Variants in AKT3 observed in about 807,000 individuals in gnomAD.
AKT3 encodes the protein RAC-gamma serine/threonine-protein kinase.
AKT3 carries 15 observed loss-of-function variants against 65.3 expected under a neutral mutation model. The observed-to-expected ratio is 0.23, with a 90% CI of 0.15 to 0.35. The LOEUF is 0.35. Ranked by LOEUF, AKT3 falls within the 10% of genes least tolerant of loss-of-function variation. The pLI, the probability that AKT3 is intolerant of heterozygous loss-of-function variation, is 1.00. For missense variants in AKT3, 243 were observed against 576.5 expected, an observed-to-expected ratio of 0.42 and a Z score of 5.92; for synonymous variants, 206 against 183.8, an observed-to-expected ratio of 1.12 and a Z score of -0.98.
chr1:243,637,546 T>G, intron 6 of AKT3, 65 bp downstream of exon 6: 21 of 1,375,726 alleles, frequency 1.5e-5, no homozygotes, highest in Non-Finnish European at 1.9e-5. Context: ...TGTAAATTCA[T>G]GAGCCCACAA....
Position 243,503,607 on chromosome 1 carries a change from T to C in AKT3, c.*1642A>G, listed in dbSNP as rs571599853. On this transcript the variant is annotated 3_prime_UTR_variant, in exon 14 of 14. Transcript: ENST00000673466. ...AAAGGGTTTAATCTGAAGATCATCATTAATGAAGGAGAAAGATGAGGTTTG... is the reference window on the plus strand; with the variant it reads ...AAAGGGTTTAATCTGAAGATCATCACTAATGAAGGAGAAAGATGAGGTTTG... The C allele has an allele frequency of 4.3e-6, 1 of 233,144 alleles. No individual in the cohort carries two copies. Among genetic ancestry groups the C allele is most frequent in the East Asian group, 6.1e-5 (1 of 16,518 alleles). The allele number at this position is 233,144 out of a possible 1,614,324, so 14.4% of individuals were successfully genotyped here. A position where few individuals can be genotyped will look rare whatever the true frequency, so the allele number is the denominator to read the frequency against.
At chr1:243,842,376 T>A (rs1343316552) in intron 2 of AKT3, among the ~76,000 whole-genome samples, 1 of 152,190 alleles carries the variant, frequency 6.6e-6, no homozygotes, top group East Asian at 1.9e-4. Context: ...TAAACAGTAG[T>A]TGCCTAGCAA....
chr1:243,699,038 G>A (rs1685246672), intron 2 of AKT3, among the ~76,000 whole-genome samples: 1 of 152,092 alleles, frequency 6.6e-6, no homozygotes, highest in Non-Finnish European at 1.5e-5. Flanking sequence ...GGCAGTGTGA[G>A]TTCAGATAAG....
intron 2 of AKT3, among the ~76,000 whole-genome samples, chr1:243,776,420 G>T (rs1293131059): frequency 6.6e-6 from 1 of 152,110 alleles, no homozygotes; most frequent in Admixed American, 6.5e-5. Context: ...GTTCAGGAGG[G>T]TGGGGCCCTC....
chr1:243,777,928 C>T (rs1282679001), intron 2 of AKT3, among the ~76,000 whole-genome samples: 1 of 152,150 alleles, frequency 6.6e-6, no homozygotes, highest in African/African-American at 2.4e-5. Context: ...CCCTGACTCA[C>T]CTTGAGGCAT....
chr1:243,601,382 C>T (rs1351633969), intron 8 of AKT3, among the ~76,000 whole-genome samples: 1 of 151,978 alleles, frequency 6.6e-6, no homozygotes, highest in East Asian at 1.9e-4. Context: ...CAAATTGAAG[C>T]TAAAAAATAC....
chr1:243,549,555 A>C (rs1466110934), intron 11 of AKT3, among the ~76,000 whole-genome samples: 2 of 152,066 alleles, frequency 1.3e-5, no homozygotes, highest in African/African-American at 2.4e-5. Flanking sequence ...CAGCCTCCCA[A>C]GTAGCTGGGA....
intron 8 of AKT3, among the ~76,000 whole-genome samples, chr1:243,601,025 A>G (rs991621437): frequency 1.3e-5 from 2 of 152,090 alleles, no homozygotes; most frequent in Non-Finnish European, 2.9e-5. Flanking sequence ...ACTGCTTTAT[A>G]CAGCTGTCAA....
intron 8 of AKT3, among the ~76,000 whole-genome samples, chr1:243,597,896 T>C (rs1471188648): frequency 6.6e-6 from 1 of 152,252 alleles, no homozygotes; most frequent in Non-Finnish European, 1.5e-5. Flanking sequence ...ATAAGAACTT[T>C]TTTGACAGAA....
intron 9 of AKT3, among the ~76,000 whole-genome samples, chr1:243,564,131 T>A (rs975331950): frequency 4.6e-5 from 7 of 152,160 alleles, no homozygotes; most frequent in Admixed American, 2.0e-4. Context: ...TAAAGCCTAA[T>A]CAACTTTTCA....
chr1:243,678,889 T>A (rs1255484927), intron 3 of AKT3, among the ~76,000 whole-genome samples: 1 of 152,146 alleles, frequency 6.6e-6, no homozygotes, highest in African/African-American at 2.4e-5. Context: ...ACAATTCCAC[T>A]TATACATGGA....
chr1:243,550,186 T>C (rs1672948517), intron 11 of AKT3, among the ~76,000 whole-genome samples: 1 of 152,216 alleles, frequency 6.6e-6, no homozygotes, highest in South Asian at 2.1e-4. Flanking sequence ...CAAATTATTC[T>C]ATGAACATCT....
At chr1:243,532,113 A>G (rs931579986) in intron 12 of AKT3, among the ~76,000 whole-genome samples, 1 of 152,088 alleles carries the variant, frequency 6.6e-6, no homozygotes, top group Non-Finnish European at 1.5e-5. Context: ...TATTTCTCTT[A>G]TTTAACTCCT....
At chr1:243,542,496 T>C (rs1672389396) in intron 12 of AKT3, among the ~76,000 whole-genome samples, 1 of 152,202 alleles carries the variant, frequency 6.6e-6, no homozygotes, top group Non-Finnish European at 1.5e-5. Context: ...CACCTCTCGA[T>C]GTGCAGCAAT....
At chr1:243,676,842 C>T (rs568315866) in intron 3 of AKT3, among the ~76,000 whole-genome samples, 17 of 152,280 alleles carry the variant, frequency 1.1e-4, no homozygotes, top group African/African-American at 4.1e-4. Context: ...TCAAAATCCT[C>T]ATCACTGAAA....
At chr1:243,518,377 G>GT (rs1670500752) in intron 12 of AKT3, among the ~76,000 whole-genome samples, 1 of 152,142 alleles carries the variant, frequency 6.6e-6, no homozygotes, top group Non-Finnish European at 1.5e-5. Flanking sequence ...GCTCATGCCT[G>GT]TAATCCCAGC....
chr1:243,710,265 G>A (rs1329180993), intron 2 of AKT3, among the ~76,000 whole-genome samples: 1 of 151,956 alleles, frequency 6.6e-6, no homozygotes, highest in Non-Finnish European at 1.5e-5. Flanking sequence ...ATATTTCATA[G>A]GCTATGGATA....
At chr1:243,606,755 T>C (rs1322485015) in intron 8 of AKT3, among the ~76,000 whole-genome samples, 3 of 152,106 alleles carry the variant, frequency 2.0e-5, no homozygotes, top group Non-Finnish European at 2.9e-5. Context: ...CAGCAGCCCC[T>C]CCCATCATAG....
intron 13 of AKT3, among the ~76,000 whole-genome samples, chr1:243,511,470 A>G (rs3006936): frequency 0.35 from 52,823 of 151,922 alleles, 12,076 homozygotes; most frequent in African/African-American, 0.65. Flanking sequence ...CACTATGGAT[A>G]AATCTGCCTC....
Sources: allele counts gnomAD v4.1 joint callset (sites outside exome capture counted in the v4.1 genomes callset), GRCh38; gene constraint gnomAD v4.1.1; transcripts MANE v1.5; gene names NCBI Gene and HGNC (gene_info 2026-07-23, HGNC 2026-07-21).